PHACTR4: variants seen among roughly 807,000 people sequenced by gnomAD.
PHACTR4 encodes the protein protein phosphatase 1, regulatory subunit 124.
Under a neutral mutation model 72.7 loss-of-function variants are expected in PHACTR4, and 51 were observed. The ratio of observed to expected loss-of-function variants is 0.70; its 90% CI spans 0.56 to 0.89. PHACTR4 has a LOEUF of 0.89. Among genes scored for constraint, PHACTR4 ranks in the 40% least tolerant of loss-of-function variants. The probability of loss-of-function intolerance (pLI) is 0.00; values close to 1 mark genes in which losing one functional copy is unlikely to be tolerated. For synonymous variants in PHACTR4, 255 were observed against 302.5 expected, an observed-to-expected ratio of 0.84 and a Z score of 1.63; for missense variants, 731 against 861.8, an observed-to-expected ratio of 0.85 and a Z score of 1.90.
At chr1:28,383,527 G>A (rs1162350174) in intron 1 of PHACTR4, among the ~76,000 whole-genome samples, 1 of 151,924 alleles carries the variant, frequency 6.6e-6, no homozygotes, top group African/African-American at 2.4e-5. Flanking sequence ...TGATTTCTTT[G>A]AGCAGTGTTT....
At chr1:28,454,553 C>G (rs958986952) in intron 2 of PHACTR4, among the ~76,000 whole-genome samples, 1 of 151,956 alleles carries the variant, frequency 6.6e-6, no homozygotes, top group Non-Finnish European at 1.5e-5. Context: ...TGTGAGCCGC[C>G]GCGCCCGGCC....
chr1:28,403,173 G>A (rs1316996858), intron 1 of PHACTR4, among the ~76,000 whole-genome samples: 1 of 152,180 alleles, frequency 6.6e-6, no homozygotes, highest in East Asian at 1.9e-4. Context: ...ATTAGGAAGT[G>A]CCCTTGGGAT....
chr1:28,454,401 C>T (rs1038580781), intron 2 of PHACTR4, among the ~76,000 whole-genome samples: 1 of 151,302 alleles, frequency 6.6e-6, no homozygotes, highest in Non-Finnish European at 1.5e-5. Context: ...CTCAGCCTCC[C>T]TAGTAGCTGG....
At chr1:28,463,438 A>T (rs961945720) in intron 4 of PHACTR4, among the ~76,000 whole-genome samples, 1 of 152,192 alleles carries the variant, frequency 6.6e-6, no homozygotes, top group Non-Finnish European at 1.5e-5. Flanking sequence ...TCACTTTTGC[A>T]TGTATTTCAC....
intron 1 of PHACTR4, among the ~76,000 whole-genome samples, chr1:28,392,483 A>G (rs944905892): frequency 2.0e-5 from 3 of 151,416 alleles, no homozygotes; most frequent in East Asian, 1.9e-4. Context: ...GCTCACTGCA[A>G]CCTCCACCTC....
intron 2 of PHACTR4, among the ~76,000 whole-genome samples, chr1:28,420,857 A>G (rs1420647984): frequency 6.6e-6 from 1 of 152,218 alleles, no homozygotes; most frequent in East Asian, 1.9e-4. Flanking sequence ...TATATGTTTA[A>G]TACAACATTA....
intron 2 of PHACTR4, among the ~76,000 whole-genome samples, chr1:28,440,157 CT>C (rs1454423852): frequency 2.6e-5 from 4 of 151,356 alleles, no homozygotes; most frequent in African/African-American, 9.7e-5. Flanking sequence ...AAAAAATCAG[CT>C]GGGCGTGGTG....
chr1:28,479,163 A>G (rs1331722379), intron 8 of PHACTR4, among the ~76,000 whole-genome samples: 2 of 151,820 alleles, frequency 1.3e-5, no homozygotes, highest in African/African-American at 2.4e-5. Flanking sequence ...GCTCACACCT[A>G]TAATCCCAAC....
At chr1:28,406,222 T>C (rs1183749492) in intron 1 of PHACTR4, among the ~76,000 whole-genome samples, 1 of 152,240 alleles carries the variant, frequency 6.6e-6, no homozygotes, top group Non-Finnish European at 1.5e-5. Flanking sequence ...AGTTGTCATG[T>C]ATTATTCTAG....
intron 13 of PHACTR4, among the ~76,000 whole-genome samples, chr1:28,495,628 A>T (rs10158577): frequency 0.28 from 41,252 of 144,904 alleles, 5,791 homozygotes; most frequent in Middle Eastern, 0.36. Flanking sequence ...TTTTTTTTTT[A>T]TTTTTTGAGA....
intron 2 of PHACTR4, among the ~76,000 whole-genome samples, chr1:28,441,880 T>G (rs61783851): frequency 0.28 from 42,771 of 151,928 alleles, 6,171 homozygotes; most frequent in Middle Eastern, 0.34. Context: ...TAGTCCCAGC[T>G]ACTTGGGAAG....
chr1:28,452,615 G>A (rs555151147), intron 2 of PHACTR4, among the ~76,000 whole-genome samples: 6 of 151,874 alleles, frequency 4.0e-5, no homozygotes, highest in African/African-American at 1.4e-4. Context: ...GACCAGCCTG[G>A]CCAACATGTT....
chr1:28,463,939 G>T (rs560182924), intron 4 of PHACTR4, among the ~76,000 whole-genome samples: 5 of 151,726 alleles, frequency 3.3e-5, no homozygotes, highest in Non-Finnish European at 5.9e-5. Flanking sequence ...ACTATGTTTC[G>T]CAGGCTGATC....
At chr1:28,440,904 A>AATAT (rs1375502922) in intron 2 of PHACTR4, among the ~76,000 whole-genome samples, 3 of 152,206 alleles carry the variant, frequency 2.0e-5, no homozygotes, top group African/African-American at 7.2e-5. Context: ...TGGAATGATA[A>AATAT]ATATACAAAG....
intron 2 of PHACTR4, among the ~76,000 whole-genome samples, chr1:28,446,867 C>T (rs201434138): frequency 3.3e-5 from 5 of 152,276 alleles, no homozygotes; most frequent in Non-Finnish European, 5.9e-5. Flanking sequence ...CCTTCATCTT[C>T]CACCATGATT....
At chr1:28,420,660 C>T (rs1655452986) in intron 2 of PHACTR4, among the ~76,000 whole-genome samples, 1 of 152,098 alleles carries the variant, frequency 6.6e-6, no homozygotes, top group African/African-American at 2.4e-5. Flanking sequence ...GGATTGTTAT[C>T]TATAGAAAAT....
At chr1:28,424,198 A>T (rs78478898) in intron 2 of PHACTR4, among the ~76,000 whole-genome samples, 12,769 of 151,194 alleles carry the variant, frequency 0.084, 1,141 homozygotes, top group African/African-American at 0.23. Flanking sequence ...TTATTTTTTT[A>T]TTTTTATTTT....
chr1:28,451,816 T>C (rs1657996903), intron 2 of PHACTR4, among the ~76,000 whole-genome samples: 1 of 151,908 alleles, frequency 6.6e-6, no homozygotes, highest in Non-Finnish European at 1.5e-5. Context: ...AATTTTTTTT[T>C]TTTGTAGAGG....
At position 28,498,471 on chromosome 1, in the gene PHACTR4, A is replaced by G. The variant is rs1462255125; in HGVS notation, c.*1922A>G. 6.6e-6 allele frequency: 1 copy of G among 152,200 alleles called. No individual in the cohort carries two copies. The highest frequency in any genetic ancestry group is 1.9e-4 in the East Asian group (1 of 5,202). The allele number at this position is 152,200 out of a possible 1,614,324, so 9.4% of individuals were successfully genotyped here. ...CTTTCTGCATTTGTAATAGATATTA[A>G]TATGATTTCCTAAAACAGAAGATTT... On this transcript the variant is annotated 3_prime_UTR_variant, in exon 14 of 14. Transcript: ENST00000373839.
Sources: gnomAD v4.1 joint callset for allele counts (sites outside exome capture counted in the v4.1 genomes callset) on GRCh38, gnomAD v4.1.1 for gene constraint, MANE v1.5 for transcripts, NCBI Gene and HGNC (gene_info 2026-07-23, HGNC 2026-07-21) for gene names.